FGL1: variants seen among roughly 807,000 people sequenced by gnomAD.
The protein encoded by FGL1 is fibrinogen-like protein 1.
Under a neutral mutation model 43.7 loss-of-function variants are expected in FGL1, and 59 were observed. That is an observed-to-expected ratio of 1.35 (90% CI 1.10 to 1.68). The LOEUF is 1.68. Among genes scored for constraint, FGL1 ranks in the 40% most tolerant of loss-of-function variants. The probability of loss-of-function intolerance (pLI) is 0.00; values close to 1 mark genes in which losing one functional copy is unlikely to be tolerated. For missense variants in FGL1, 596 were observed against 373.0 expected, an observed-to-expected ratio of 1.60 and a Z score of -4.92; for synonymous variants, 192 against 126.5, an observed-to-expected ratio of 1.52 and a Z score of -3.48.
intron 3 of FGL1, among the ~76,000 whole-genome samples, chr8:17,876,201 A>C (rs1363796741): frequency 6.6e-6 from 1 of 152,214 alleles, no homozygotes; most frequent in East Asian, 1.9e-4. Context: ...TTATTGGATA[A>C]TTCCATTCTT....
At position 17,869,011 on chromosome 8, in the gene FGL1, A is replaced by G. The variant is rs758239987; in HGVS notation, c.503-7T>C. On this transcript the variant is annotated splice_region_variant and splice_polypyrimidine_tract_variant and intron_variant, in intron 5 of 7. Transcript: ENST00000427924. ...ATTTTTAAAGTGTAGTCTTCTAAAA[A>G]AGAAACAAGCAATTATAATTTTTAA... 1.9e-6 allele frequency: 3 copies of G among 1,566,880 alleles called. No homozygotes were observed. Among genetic ancestry groups the G allele is most frequent in the Non-Finnish European group, 2.6e-6 (3 of 1,147,588 alleles).
chr8:17,883,549 CTACTT>C (rs1179324073), intron 2 of FGL1, among the ~76,000 whole-genome samples: 3 of 131,884 alleles, frequency 2.3e-5, no homozygotes, highest in East Asian at 4.3e-4. Flanking sequence ...ATATTATAGT[CTACTT>C]TATATAATAT....
At chr8:17,871,308 C>T (rs1244661568) in intron 5 of FGL1, among the ~76,000 whole-genome samples, 1 of 151,836 alleles carries the variant, frequency 6.6e-6, no homozygotes, top group Non-Finnish European at 1.5e-5. Context: ...TCCTGGTCAG[C>T]ATGGTGAGAC....
At chr8:17,888,888 A>G (rs892936718) in intron 1 of FGL1, among the ~76,000 whole-genome samples, 2 of 152,208 alleles carry the variant, frequency 1.3e-5, no homozygotes, top group Non-Finnish European at 2.9e-5. Context: ...TAAAAATTGA[A>G]TGGATTCTAG....
At chr8:17,869,133 G>C in intron 5 of FGL1, 129 bp from the exon 6 acceptor site, 1 of 568,134 alleles carries the variant, frequency 1.8e-6, no homozygotes, top group Non-Finnish European at 3.1e-6. Context: ...AGTTTTCAAA[G>C]ATTAAACAGT....
intron 5 of FGL1, among the ~76,000 whole-genome samples, chr8:17,870,109 C>CA (rs1162958085): frequency 2.7e-5 from 4 of 150,742 alleles, no homozygotes; most frequent in African/African-American, 4.9e-5. Flanking sequence ...GACTCCGTCG[C>CA]AAAAAACAAC....
In FGL1 at chr8:17,867,125, G is replaced by T. The variant is rs952296565; in HGVS notation, c.779+1423C>A. ...GATGACTATTTTTACAACAGCAGTA[G>T]TACTCCCTTATCTGCAGGGGATACG... On this transcript the variant is annotated intron_variant, in intron 7 of 7. Transcript: ENST00000427924. Among the ~76,000 whole-genome samples, 4 of 152,272 alleles carry T rather than the reference G, an allele frequency of 2.6e-5. No homozygotes were observed. In the East Asian group the frequency reaches 7.7e-4, roughly 29 times the overall value.
rs550213195 is a variant in FGL1 at position 17,877,566 on chromosome 8, C to G, written c.245-3045G>C. On this transcript the variant is annotated intron_variant, in intron 3 of 7. Transcript: ENST00000427924. ...ACTCCCCAGAGCATGTTGGGATATGCGAGAACTGGCCCTGCTACCGCCATC... is the reference window on the plus strand; with the variant it reads ...ACTCCCCAGAGCATGTTGGGATATGGGAGAACTGGCCCTGCTACCGCCATC... 2.6e-4 allele frequency among the ~76,000 whole-genome samples: 39 copies of G among 151,042 alleles called. 1 individual carries two copies. The South Asian group carries it at 8.1e-3, about 31-fold the overall frequency.
At chr8:17,867,842 G>A (rs1429280985) in intron 7 of FGL1, among the ~76,000 whole-genome samples, 1 of 152,202 alleles carries the variant, frequency 6.6e-6, no homozygotes, top group African/African-American at 2.4e-5. Context: ...GGCCGGGGTA[G>A]GTGGATCACA....
chr8:17,865,830 C>G (rs1585124104), intron 7 of FGL1, among the ~76,000 whole-genome samples: 1 of 152,058 alleles, frequency 6.6e-6, no homozygotes, highest in African/African-American at 2.4e-5. Flanking sequence ...ATTATTGAAT[C>G]AAAAAAGCAT....
rs1315793633 is a variant in FGL1 at position 17,883,400 on chromosome 8, A to G, written c.64-1221T>C. On this transcript the variant is annotated intron_variant, in intron 2 of 7. Transcript: ENST00000427924. ...ATAATATACAATATAATAATAATAT[A>G]TAATATATATTACAAAATATATAAT... Among the ~76,000 whole-genome samples the G allele has an allele frequency of 1.6e-4, 9 of 57,202 alleles. 1 individual carries two copies. The highest frequency in any genetic ancestry group is 6.6e-4 in the East Asian group (1 of 1,506). The allele number at this position is 57,202 out of a possible 152,430, so 37.5% of individuals were successfully genotyped here.
At chr8:17,885,414 G>T in intron 2 of FGL1, 78 bp downstream of exon 2, 1 of 1,235,442 alleles carries the variant, frequency 8.1e-7, no homozygotes, top group Non-Finnish European at 1.2e-6. Context: ...AGTCACTATA[G>T]GTTTAATGCA....
At position 17,864,511 on chromosome 8, in the gene FGL1, C is replaced by T. The variant is rs1460487047; in HGVS notation, c.*81G>A. 7.0e-7 allele frequency: 1 copy of T among 1,418,792 alleles called. No individual in the cohort carries two copies. Among genetic ancestry groups the T allele is most frequent in the African/African-American group, 1.4e-5 (1 of 69,128 alleles). 87.9% of individuals were successfully genotyped at this position (1,418,792 alleles called of 1,614,324 possible). ...ACTCACAACAGTTATCATGATTGCG[C>T]ATGGATATGTTCAGAATGAGTATTT... On this transcript the variant is annotated 3_prime_UTR_variant, in exon 8 of 8. Coordinates refer to ENST00000427924, the MANE Select transcript of FGL1 (RefSeq NM_004467.4).
intron 1 of FGL1, among the ~76,000 whole-genome samples, chr8:17,894,311 A>G (rs2053746533): frequency 6.8e-6 from 1 of 147,152 alleles, no homozygotes; most frequent in Admixed American, 6.7e-5. Context: ...CTATAGGACT[A>G]TAATGCTTAG....
At chr8:17,873,412 G>A (rs2053394841) in intron 5 of FGL1, among the ~76,000 whole-genome samples, 1 of 152,070 alleles carries the variant, frequency 6.6e-6, no homozygotes, top group African/African-American at 2.4e-5. Flanking sequence ...GAAGTTGATG[G>A]CAGACTCATA....
chr8:17,880,857 G>C (rs2131723701), intron 3 of FGL1, among the ~76,000 whole-genome samples: 2 of 152,304 alleles, frequency 1.3e-5, no homozygotes, highest in Middle Eastern at 6.8e-3. Flanking sequence ...TGTGTGTAAT[G>C]TGTTGCCAGT....
chr8:17,881,877 T>G, intron 3 of FGL1, 122 bp downstream of exon 3: 1 of 705,064 alleles, frequency 1.4e-6, no homozygotes, highest in East Asian at 3.0e-5. Flanking sequence ...ACATTTACAA[T>G]AGATATAATG....
In FGL1 at chr8:17,879,722, T is replaced by C. The variant is rs529948450; in HGVS notation, c.244+2277A>G. Among the ~76,000 whole-genome samples, 13 of 151,676 alleles carry C rather than the reference T, an allele frequency of 8.6e-5. No individual in the cohort carries two copies. The South Asian group carries it at 2.7e-3, about 31-fold the overall frequency. On this transcript the variant is annotated intron_variant, in intron 3 of 7. Coordinates refer to ENST00000427924, the MANE Select transcript of FGL1 (RefSeq NM_004467.4). ...TACAGCCTGCAGAACCATGAGCCAA[T>C]TAAACCTCTTTTCTTTATAAACGAC...
chr8:17,868,281 T>C lies in FGL1; in HGVS notation c.779+267A>G, dbSNP rs189234199. The stretch of plus-strand genomic sequence containing the variant: ...TTCTTTGTGTGAATTTGTGGCCTTC[T>C]ATTTATAACTCATCCATAATTCAGT... On this transcript the variant is annotated intron_variant, in intron 7 of 7. Transcript: ENST00000427924. The C allele has an allele frequency of 1.9e-3, 462 of 245,464 alleles. 4 individuals are homozygous for C. The highest frequency in any genetic ancestry group is 9.4e-3 in the African/African-American group (424 of 45,026). 15.2% of individuals were successfully genotyped at this position (245,464 alleles called of 1,614,324 possible). A position where few individuals can be genotyped will look rare whatever the true frequency, so the allele number is the denominator to read the frequency against.
Sources: allele counts gnomAD v4.1 joint callset (sites outside exome capture counted in the v4.1 genomes callset), GRCh38; gene constraint gnomAD v4.1.1; transcripts MANE v1.5; gene names NCBI Gene and HGNC (gene_info 2026-07-23, HGNC 2026-07-21).